Variants in CDC27 observed in about 807,000 individuals in gnomAD.
CDC27 encodes the protein cell division cycle 27.
Under a neutral mutation model 109.7 loss-of-function variants are expected in CDC27, and 27 were observed. The ratio of observed to expected loss-of-function variants is 0.25; its 90% confidence interval spans 0.18 to 0.34. CDC27 has a LOEUF of 0.34. Ranked by LOEUF, CDC27 falls within the 10% of genes least tolerant of loss-of-function variation. The pLI, the probability that CDC27 is intolerant of heterozygous loss-of-function variation, is 1.00. For missense variants in CDC27, 579 were observed against 960.2 expected (o/e 0.60, Z 5.25); for synonymous variants, 266 against 333.9 (o/e 0.80, Z 2.22).
At chr17:47,133,851 C>T (rs770393628) in intron 14 of CDC27, among the ~76,000 whole-genome samples, 2 of 151,922 alleles carry the variant, frequency 1.3e-5, no homozygotes, top group African/African-American at 2.4e-5. Context: ...TGGGTTCAAG[C>T]GATTTTCGTG....
At chr17:47,163,270 C>T (rs2063548485) in intron 4 of CDC27, among the ~76,000 whole-genome samples, 2 of 152,106 alleles carry the variant, frequency 1.3e-5, no homozygotes, top group Admixed American at 6.5e-5. Flanking sequence ...ACCTAACACA[C>T]CTTAGCTACA....
chr17:47,158,197 C>A lies in CDC27; in HGVS notation c.475+9G>T. ...GGAACCCACCCACCTCTCAACCCCA[C>A]CCACCTACCTATTTCACATAATGAT... On this transcript the variant is annotated intron_variant, in intron 5 of 18. Transcript: ENST00000066544. 7.2e-7 allele frequency: 1 copy of A among 1,390,664 alleles called. No individual in the cohort carries two copies. Among genetic ancestry groups the A allele is most frequent in the Non-Finnish European group, 9.8e-7 (1 of 1,021,178 alleles). The allele number at this position is 1,390,664 out of a possible 1,614,324, so 86.1% of individuals were successfully genotyped here. A position where few individuals can be genotyped will look rare whatever the true frequency, so the allele number is the denominator to read the frequency against.
chr17:47,179,987 G>A (rs1290663736), intron 2 of CDC27, among the ~76,000 whole-genome samples: 1 of 152,168 alleles, frequency 6.6e-6, no homozygotes, highest in African/African-American at 2.4e-5. Flanking sequence ...CAGTGGCCGA[G>A]TACAGTGGCT....
At chr17:47,142,149 A>C in intron 11 of CDC27, 80 bp downstream of exon 11, 1 of 1,091,640 alleles carries the variant, frequency 9.2e-7, no homozygotes, top group Non-Finnish European at 1.3e-6. Context: ...CAATGAAGGT[A>C]CTGTAATGAA....
At chr17:47,157,426 G>A (rs760835541) in intron 5 of CDC27, 42 bp from the exon 6 acceptor site, 15 of 1,496,690 alleles carry the variant, frequency 1.0e-5, no homozygotes, top group Non-Finnish European at 1.4e-5. Flanking sequence ...CTGAGGAAGT[G>A]AGGAATACAT....
rs1450587391 is a variant in CDC27 at position 47,122,491 on chromosome 17, C to T, written c.2345G>A (p.Arg782His). The change falls in exon 18 of 19, where the codon CGT (arginine) becomes CAT (histidine). Residue 782 changes from arginine (R) to histidine (H), a missense_variant. Transcript: ENST00000066544. ...TGGCTCCTCATCATCTGGAAGATAA[C>T]GCTTATCAATTGCCTCTTTAATCTG... ...NNQIKEAIDK[R>H]YLPDDEEPIT... 9.3e-6 allele frequency: 15 copies of T among 1,609,804 alleles called. No homozygotes were observed. The highest frequency in any genetic ancestry group is 1.7e-4 in the Middle Eastern group (1 of 6,042).
intron 14 of CDC27, among the ~76,000 whole-genome samples, chr17:47,133,062 TACACAC>T (rs200816984): frequency 6.8e-5 from 5 of 73,724 alleles, no homozygotes; most frequent in Non-Finnish European, 9.8e-5. Context: ...CACATACATA[TACACAC>T]ACACACACAC....
At chr17:47,168,888 C>G (rs1027955907) in intron 4 of CDC27, among the ~76,000 whole-genome samples, 1 of 151,958 alleles carries the variant, frequency 6.6e-6, no homozygotes, top group East Asian at 1.9e-4. Context: ...TTTAGACAAG[C>G]AGTCCCCAGT....
At chr17:47,142,612 T>A (rs2062829921) in intron 10 of CDC27, among the ~76,000 whole-genome samples, 176 bp from the exon 11 acceptor site, 1 of 152,234 alleles carries the variant, frequency 6.6e-6, no homozygotes, top group African/African-American at 2.4e-5. Context: ...TTAAACACAG[T>A]AATTCTGAAC....
intron 4 of CDC27, chr17:47,159,685 G>T (rs1024955891): frequency 4.6e-6 from 2 of 430,932 alleles, no homozygotes; most frequent in South Asian, 2.2e-5. Flanking sequence ...TGTAGTCCTC[G>T]ATGGCAACAA....
intron 9 of CDC27, among the ~76,000 whole-genome samples, chr17:47,146,556 G>A (rs1014719255): frequency 2.6e-5 from 4 of 152,208 alleles, no homozygotes; most frequent in African/African-American, 9.7e-5. Flanking sequence ...GCAGAGTGAA[G>A]AAACCTCATA....
chr17:47,151,130 T>G (rs905581315), intron 9 of CDC27, among the ~76,000 whole-genome samples: 3 of 152,234 alleles, frequency 2.0e-5, no homozygotes, highest in Non-Finnish European at 4.4e-5. Context: ...ATAATGTTGC[T>G]TTGCAGGAGG....
chr17:47,160,547 T>C (rs1276010236), intron 4 of CDC27, among the ~76,000 whole-genome samples: 2 of 152,140 alleles, frequency 1.3e-5, no homozygotes, highest in African/African-American at 2.4e-5. Context: ...AGCTTTTAAA[T>C]AGGAGGATGG....
chr17:47,119,782 A>G lies in CDC27; in HGVS notation c.*1153T>C, dbSNP rs1055445715. ...ACTCAGAAGAGAACCTATCTCCTTCATAAGAATGTTTTTTCCCCCAAGCTA... is the reference window on the plus strand; with the variant it reads ...ACTCAGAAGAGAACCTATCTCCTTCGTAAGAATGTTTTTTCCCCCAAGCTA... On this transcript the variant is annotated 3_prime_UTR_variant, in exon 19 of 19. Coordinates refer to ENST00000066544, the MANE Select transcript of CDC27 (RefSeq NM_001256.6). The G allele has an allele frequency of 6.6e-6, 1 of 152,218 alleles. No individual in the cohort carries two copies. Among genetic ancestry groups the G allele is most frequent in the African/African-American group, 2.4e-5 (1 of 41,468 alleles). 9.4% of individuals were successfully genotyped at this position (152,218 alleles called of 1,614,324 possible).
At position 47,147,743 on chromosome 17, in the gene CDC27, T is replaced by C. The variant is rs529514519; in HGVS notation, c.1071-3761A>G. Among the ~76,000 whole-genome samples, 7 of 151,014 alleles carry C rather than the reference T, an allele frequency of 4.6e-5. No individual in the cohort carries two copies. In the South Asian group the frequency reaches 1.3e-3, roughly 27 times the overall value. ...CTTGTCTCTACAAAAAAATAAAAAA[T>C]AAAAATAATCAGCCACATGTGGTGG... On this transcript the variant is annotated intron_variant, in intron 9 of 18. Coordinates refer to ENST00000066544, the MANE Select transcript of CDC27 (RefSeq NM_001256.6).
intron 12 of CDC27, 22 bp downstream of exon 12, chr17:47,141,804 AATTGAAATTATCTCTAGAAAGGCATAT>A: frequency 1.2e-5 from 14 of 1,141,814 alleles, no homozygotes; most frequent in Non-Finnish European, 1.7e-5. Context: ...ATTTTAATGA[AATTGAAATTATCTCTAGAAAGGCATAT>A]ATAACCATTT....
chr17:47,123,503 C>CA (rs2062040896), intron 17 of CDC27, among the ~76,000 whole-genome samples: 1 of 150,812 alleles, frequency 6.6e-6, no homozygotes, highest in Admixed American at 6.6e-5. Flanking sequence ...CTCTGCCTCC[C>CA]AGGTTCAAGT....
At chr17:47,121,833 G>A (rs1374811501) in intron 18 of CDC27, among the ~76,000 whole-genome samples, 1 of 151,684 alleles carries the variant, frequency 6.6e-6, no homozygotes, top group Non-Finnish European at 1.5e-5. Context: ...TCAGCCTCCT[G>A]GGTTCAAGCA....
chr17:47,137,760 A>C (rs1424675810), intron 13 of CDC27, among the ~76,000 whole-genome samples: 1 of 151,298 alleles, frequency 6.6e-6, no homozygotes, highest in Non-Finnish European at 1.5e-5. Context: ...GGCACTTTTA[A>C]GTAGGATGGC....
Sources: gnomAD v4.1 joint callset for allele counts (sites outside exome capture counted in the v4.1 genomes callset) on GRCh38, gnomAD v4.1.1 for gene constraint, MANE v1.5 for transcripts, NCBI Gene and HGNC (gene_info 2026-07-23, HGNC 2026-07-21) for gene names.